Variants in TMC1 observed in about 807,000 individuals in gnomAD.
The protein encoded by TMC1 is transmembrane channel like 1.
A neutral mutation model predicts 105.8 loss-of-function variants in TMC1; 84 were observed. The ratio of observed to expected loss-of-function variants is 0.79; its 90% confidence interval spans 0.67 to 0.95. TMC1 has a LOEUF of 0.95. Ranked by LOEUF, TMC1 falls within the 40% of genes least tolerant of loss-of-function variation. The pLI, the probability that TMC1 is intolerant of heterozygous loss-of-function variation, is 0.00. For missense variants in TMC1, 817 were observed against 914.1 expected (o/e 0.89, Z 1.37); for synonymous variants, 315 against 311.5 (o/e 1.01, Z -0.12).
intron 5 of TMC1, among the ~76,000 whole-genome samples, chr9:72,673,964 G>A (rs1826164002): frequency 6.6e-6 from 1 of 151,960 alleles, no homozygotes; most frequent in African/African-American, 2.4e-5. Context: ...GACATTCCAA[G>A]AAAACAAAAC....
intron 5 of TMC1, among the ~76,000 whole-genome samples, chr9:72,676,693 T>A (rs1272981187): frequency 2.0e-5 from 3 of 152,116 alleles, no homozygotes; most frequent in African/African-American, 7.2e-5. Flanking sequence ...ACTTTTCTAG[T>A]TCTGTGGATG....
At chr9:72,560,537 C>A (rs1224339219) in intron 1 of TMC1, among the ~76,000 whole-genome samples, 3 of 152,040 alleles carry the variant, frequency 2.0e-5, no homozygotes, top group African/African-American at 7.2e-5. Context: ...CTCTTTCTGT[C>A]ACCCAGACTG....
intron 1 of TMC1, among the ~76,000 whole-genome samples, chr9:72,523,403 C>T (rs993971383): frequency 4.6e-5 from 7 of 152,162 alleles, no homozygotes; most frequent in African/African-American, 1.7e-4. Flanking sequence ...TAACAGCCTA[C>T]TGTTGACCAG....
At chr9:72,716,967 C>T (rs916357634) in intron 8 of TMC1, among the ~76,000 whole-genome samples, 12 of 152,126 alleles carry the variant, frequency 7.9e-5, no homozygotes, top group South Asian at 6.2e-4. Context: ...GTATCTGGGC[C>T]GGTGTATGTG....
In TMC1 at chr9:72,527,341, G is replaced by GAA. The variant is rs200660749; in HGVS notation, c.-428+5436_-428+5437dup. Among the ~76,000 whole-genome samples, 3 of 150,638 alleles carry GAA rather than the reference G, an allele frequency of 2.0e-5. No homozygotes were observed. The East Asian group carries it at 5.9e-4, about 29-fold the overall frequency. On this transcript the variant is annotated intron_variant, in intron 1 of 23. Coordinates refer to ENST00000297784, the MANE Select transcript of TMC1 (RefSeq NM_138691.3). ...ACCCGGTACATTACCTGTCTGACCT[G>GAA]AAAAAAAAATGCAAATTTCTGGATT...
At chr9:72,555,356 T>G (rs1823912627) in intron 1 of TMC1, among the ~76,000 whole-genome samples, 1 of 151,740 alleles carries the variant, frequency 6.6e-6, no homozygotes, top group Non-Finnish European at 1.5e-5. Context: ...TAGCTAATAA[T>G]TTTGTGTATT....
chr9:72,606,971 G>GTA (rs33944435), intron 2 of TMC1, among the ~76,000 whole-genome samples: 2,771 of 134,886 alleles, frequency 0.021, 83 homozygotes, highest in African/African-American at 0.071. Flanking sequence ...ATGTATGTAT[G>GTA]TGTGTGTGTG....
At chr9:72,786,465 AAAAC>A (rs1828170091) in intron 13 of TMC1, among the ~76,000 whole-genome samples, 1 of 152,104 alleles carries the variant, frequency 6.6e-6, no homozygotes, top group African/African-American at 2.4e-5. Context: ...AACAAAAACA[AAAAC>A]AAAACAAACA....
chr9:72,822,528 G>GTGTGTGTGTGTGTGTGTT (rs1828892149), intron 20 of TMC1, among the ~76,000 whole-genome samples: 1 of 150,298 alleles, frequency 6.7e-6, no homozygotes, highest in Non-Finnish European at 1.5e-5. Context: ...GTGTGTGTGT[G>GTGTGTGTGTGTGTGTGTT]TGTGTGTGTG....
chr9:72,831,692 G>T (rs533855684), intron 23 of TMC1, among the ~76,000 whole-genome samples: 1 of 151,992 alleles, frequency 6.6e-6, no homozygotes, highest in Non-Finnish European at 1.5e-5. Context: ...GCGGTGTTTG[G>T]TTTTTTGTCC....
chr9:72,606,996 T>TAGAG lies in TMC1; in HGVS notation c.-305-9371_-305-9370insGAGA, dbSNP rs757833291. Among the ~76,000 whole-genome samples, 298 of 99,876 alleles carry TAGAG rather than the reference T, an allele frequency of 3.0e-3. 2 individuals are homozygous for TAGAG. Among genetic ancestry groups the TAGAG allele is most frequent in the African/African-American group, 9.4e-3 (240 of 25,430 alleles). The allele number at this position is 99,876 out of a possible 152,430, so 65.5% of individuals were successfully genotyped here. The stretch of plus-strand genomic sequence containing the variant: ...GTGTGTGTGTGCATATATATATATA[T>TAGAG]ATATATAGAGAGAGAGAGAGAGAGA... On this transcript the variant is annotated intron_variant, in intron 2 of 23. Transcript: ENST00000297784.
intron 8 of TMC1, among the ~76,000 whole-genome samples, chr9:72,712,302 G>A (rs1362536599): frequency 6.6e-6 from 1 of 152,122 alleles, no homozygotes; most frequent in Non-Finnish European, 1.5e-5. Context: ...TCAAGTCTGT[G>A]AAGAAAGTCA....
intron 17 of TMC1, among the ~76,000 whole-genome samples, chr9:72,802,524 T>C (rs112776100): frequency 1.4e-3 from 208 of 152,222 alleles, no homozygotes; most frequent in Non-Finnish European, 2.5e-3. Context: ...AAATCAAAAT[T>C]AAGAAACTCA....
chr9:72,556,634 C>T (rs1823945414), intron 1 of TMC1, among the ~76,000 whole-genome samples: 1 of 151,246 alleles, frequency 6.6e-6, no homozygotes, highest in African/African-American at 2.4e-5. Flanking sequence ...GCATGGCCAA[C>T]ATCGTGAAAC....
At chr9:72,717,919 G>A (rs1426580128) in intron 8 of TMC1, among the ~76,000 whole-genome samples, 1 of 151,776 alleles carries the variant, frequency 6.6e-6, no homozygotes, top group African/African-American at 2.4e-5. Flanking sequence ...TCTTCCTTAG[G>A]GACTCCACTT....
intron 5 of TMC1, among the ~76,000 whole-genome samples, chr9:72,661,115 G>A (rs772960861): frequency 7.9e-5 from 12 of 151,452 alleles, no homozygotes; most frequent in African/African-American, 2.2e-4. Flanking sequence ...TCACGCCACC[G>A]CACTCCAGCC....
intron 18 of TMC1, among the ~76,000 whole-genome samples, chr9:72,815,553 G>A (rs1273637240): frequency 6.6e-6 from 1 of 152,100 alleles, no homozygotes; most frequent in Non-Finnish European, 1.5e-5. Context: ...CAGTCTTTGT[G>A]CATAGTTTCA....
intron 7 of TMC1, among the ~76,000 whole-genome samples, chr9:72,697,261 C>T (rs1826565410): frequency 6.6e-6 from 1 of 152,114 alleles, no homozygotes; most frequent in East Asian, 1.9e-4. Context: ...AAGTTATTTA[C>T]CCAGCTCTAC....
At chr9:72,821,651 A>G (rs538398627) in intron 20 of TMC1, among the ~76,000 whole-genome samples, 19 of 152,352 alleles carry the variant, frequency 1.2e-4, no homozygotes, top group African/African-American at 4.3e-4. Flanking sequence ...CTGCCTGGGT[A>G]AAATATGTAT....
Sources: gnomAD v4.1 joint callset for allele counts (sites outside exome capture counted in the v4.1 genomes callset) on GRCh38, gnomAD v4.1.1 for gene constraint, MANE v1.5 for transcripts, NCBI Gene and HGNC (gene_info 2026-07-23, HGNC 2026-07-21) for gene names.